SRD5A2: variants seen among roughly 807,000 people sequenced by gnomAD.
SRD5A2 encodes steroid 5 alpha-reductase 2.
In SRD5A2, 30 loss-of-function variants were observed where a neutral mutation model predicts 27.4. That is an observed-to-expected ratio of 1.10 (90% confidence interval 0.82 to 1.49). SRD5A2 has a LOEUF of 1.49. SRD5A2 is among the 40% of genes most tolerant of loss of function. SRD5A2 has a pLI of 0.00. For missense variants in SRD5A2, 348 were observed against 323.4 expected, an observed-to-expected ratio of 1.08 and a Z score of -0.58; for synonymous variants, 141 against 133.6, an observed-to-expected ratio of 1.06 and a Z score of -0.38.
upstream of SRD5A2, among the ~76,000 whole-genome samples, chr2:31,583,861 C>T (rs374401911): frequency 1.3e-5 from 2 of 151,940 alleles, no homozygotes; most frequent in East Asian, 3.9e-4. Context: ...CAGCACACCA[C>T]CCAAGACCAC....
chr2:31,603,309 T>C, the SRD5A2 span, among the ~76,000 whole-genome samples: 1 of 151,962 alleles, frequency 6.6e-6, no homozygotes, highest in Non-Finnish European at 1.5e-5. Flanking sequence ...AAAAGCTTAA[T>C]ATCACTGATC....
chr2:31,530,832 T>C (rs1417435758), intron 3 of SRD5A2, among the ~76,000 whole-genome samples: 5 of 152,174 alleles, frequency 3.3e-5, no homozygotes, highest in Admixed American at 3.3e-4. Flanking sequence ...TGCTCACCTT[T>C]ATCTCCAAAA....
At chr2:31,551,451 T>C (rs895851452) in intron 1 of SRD5A2, among the ~76,000 whole-genome samples, 1 of 152,164 alleles carries the variant, frequency 6.6e-6, no homozygotes, top group African/African-American at 2.4e-5. Flanking sequence ...ACCCACCAAA[T>C]ATAACAGCTT....
In SRD5A2 at chr2:31,529,371, G is replaced by A. The variant is rs751300829; in HGVS notation, c.634C>T (p.Pro212Ser). The A allele has an allele frequency of 1.2e-6, 2 of 1,613,932 alleles. No individual in the cohort carries two copies. Among genetic ancestry groups the A allele is most frequent in the Admixed American group, 1.7e-5 (1 of 60,012 alleles). ...GAGAAAAATGCAAATGCAAGTGCTG[G>A]GAGGGACCAAGTGGCCAGGGCATAG... ...IGYALATWSLPALAFAFFSLC... is the reference protein window; with the variant it reads ...IGYALATWSLSALAFAFFSLC... The change falls in exon 4 of 5, where the codon CCA becomes TCA. Residue 212 changes from proline to serine, a missense_variant. By Grantham distance (74) the Pro-to-Ser change is moderately conservative. Coordinates refer to ENST00000622030, the MANE Select transcript of SRD5A2 (RefSeq NM_000348.4).
the SRD5A2 span, among the ~76,000 whole-genome samples, chr2:31,619,442 T>G: frequency 2.0e-5 from 3 of 152,132 alleles, no homozygotes; most frequent in East Asian, 3.9e-4. Flanking sequence ...TTACATTCCT[T>G]TAGGTATATA....
At chr2:31,632,820 T>C in the SRD5A2 span, among the ~76,000 whole-genome samples, 1 of 152,148 alleles carries the variant, frequency 6.6e-6, no homozygotes, top group Non-Finnish European at 1.5e-5. Flanking sequence ...GCAGGGGCCA[T>C]TATACACTAG....
the SRD5A2 span, among the ~76,000 whole-genome samples, chr2:31,586,583 A>G: frequency 6.4e-4 from 98 of 152,342 alleles, 1 homozygote; most frequent in South Asian, 0.02. Context: ...AAGTAAGGAA[A>G]GAAAATAAGA....
rs1268943379 is a variant in SRD5A2, at chr2:31,525,705, T to C, written c.*491A>G. 4.4e-6 allele frequency: 1 copy of C among 228,634 alleles called. No individual in the cohort carries two copies. Among genetic ancestry groups the C allele is most frequent in the African/African-American group, 2.2e-5 (1 of 45,072 alleles). The allele number at this position is 228,634 out of a possible 1,614,324, so 14.2% of individuals were successfully genotyped here. ...AGAAAAAGGAAGCCATGACTGGGGT[T>C]TTCATTTGGGAGTGGGTTTGCTCTG... On this transcript the variant is annotated 3_prime_UTR_variant, in exon 5 of 5. Coordinates refer to ENST00000622030, the MANE Select transcript of SRD5A2 (RefSeq NM_000348.4).
At chr2:31,619,450 A>G in the SRD5A2 span, among the ~76,000 whole-genome samples, 1 of 152,140 alleles carries the variant, frequency 6.6e-6, no homozygotes, top group East Asian at 1.9e-4. Flanking sequence ...CTTTAGGTAT[A>G]TATCCGGTAA....
At position 31,580,933 on chromosome 2, in the gene SRD5A2, TC is replaced by T; in HGVS notation, c.-34del. On this transcript the variant is annotated 5_prime_UTR_variant, in exon 1 of 5. Coordinates refer to ENST00000622030, the MANE Select transcript of SRD5A2 (RefSeq NM_000348.4). ...TGTTCCTCGCCGGTGGCCGCTGCCC[TC>T]CCAGAAGAGAGCGCGGCCCCCGCAA... The T allele has an allele frequency of 6.3e-7, 1 of 1,575,196 alleles. No homozygotes were observed. Among genetic ancestry groups the T allele is most frequent in the Non-Finnish European group, 8.6e-7 (1 of 1,159,734 alleles).
the SRD5A2 span, among the ~76,000 whole-genome samples, chr2:31,640,320 A>T: frequency 6.6e-6 from 1 of 151,954 alleles, no homozygotes; most frequent in Non-Finnish European, 1.5e-5. Flanking sequence ...GAGCTGACAA[A>T]TCACCTTCTT....
At chr2:31,574,086 C>T (rs1413658649) in intron 1 of SRD5A2, among the ~76,000 whole-genome samples, 2 of 152,220 alleles carry the variant, frequency 1.3e-5, no homozygotes, top group African/African-American at 4.8e-5. Context: ...TGTTCAGTGG[C>T]CTGGCGGGGG....
intron 3 of SRD5A2, among the ~76,000 whole-genome samples, chr2:31,530,593 TA>T (rs1388910015): frequency 6.6e-6 from 1 of 152,248 alleles, no homozygotes; most frequent in Non-Finnish European, 1.5e-5. Flanking sequence ...ACTTTGTCAT[TA>T]ATTTCTTAAT....
chr2:31,656,632 A>T, the SRD5A2 span, among the ~76,000 whole-genome samples: 1 of 152,166 alleles, frequency 6.6e-6, no homozygotes, highest in Non-Finnish European at 1.5e-5. Context: ...TTCATCCCTC[A>T]GGAAGACACA....
chr2:31,529,165 A>C, intron 4 of SRD5A2, 142 bp downstream of exon 4: 1 of 1,222,632 alleles, frequency 8.2e-7, no homozygotes, highest in South Asian at 1.6e-5. Context: ...GCAAGTCAGA[A>C]TATGCTAACC....
chr2:31,605,573 T>C, the SRD5A2 span, among the ~76,000 whole-genome samples: 1 of 151,784 alleles, frequency 6.6e-6, no homozygotes, highest in South Asian at 2.1e-4. Context: ...ATTAGGGTAA[T>C]ACAAATGAAA....
At chr2:31,567,956 A>T (rs545094880) in intron 1 of SRD5A2, among the ~76,000 whole-genome samples, 15 of 152,200 alleles carry the variant, frequency 9.9e-5, no homozygotes, top group African/African-American at 3.4e-4. Context: ...TGTGTGAGTG[A>T]GCGCAGGGTC....
the SRD5A2 span, among the ~76,000 whole-genome samples, chr2:31,599,865 T>G: frequency 6.6e-6 from 1 of 151,948 alleles, no homozygotes; most frequent in Non-Finnish European, 1.5e-5. Context: ...CTGAGGTACA[T>G]GAGCAGGTTT....
chr2:31,533,627 A>G lies in SRD5A2; in HGVS notation c.421T>C (p.Tyr141His), dbSNP rs1378479347. 1.3e-6 allele frequency: 2 copies of G among 1,552,856 alleles called. No individual in the cohort carries two copies. Among genetic ancestry groups the G allele is most frequent in the Admixed American group, 3.9e-5 (2 of 51,056 alleles). Reference sequence around the variant, plus strand: ...CCCAAGCTAAACCGTATGTCTGTGTACCACCCATCAGGGTATTCAGCACAG... The same window carrying G: ...CCCAAGCTAAACCGTATGTCTGTGTGCCACCCATCAGGGTATTCAGCACAG... ...IYCAEYPDGW[Y>H]TDIRFSLGVF... The change falls in exon 2 of 5, where the codon TAC (tyrosine) becomes CAC (histidine). Residue 141 changes from tyrosine to histidine, a missense_variant. Physicochemically the swap from Tyr to His is moderately conservative, Grantham distance 83. Coordinates refer to ENST00000622030, the MANE Select transcript of SRD5A2 (RefSeq NM_000348.4).
Sources: allele counts gnomAD v4.1 joint callset (sites outside exome capture counted in the v4.1 genomes callset), GRCh38; gene constraint gnomAD v4.1.1; transcripts MANE v1.5; gene names NCBI Gene and HGNC (gene_info 2026-07-23, HGNC 2026-07-21).